Variants in TYRP1 observed in about 807,000 individuals in gnomAD.
TYRP1 encodes the protein tyrosinase related protein 1.
In TYRP1, 49 loss-of-function variants were observed where a neutral mutation model predicts 42.8. The ratio of observed to expected loss-of-function variants is 1.14; its 90% confidence interval spans 0.91 to 1.45. TYRP1 has a LOEUF of 1.45. Ranked by LOEUF, TYRP1 falls within the 40% of genes most tolerant of loss-of-function variation. The probability of loss-of-function intolerance (pLI) is 0.00; values close to 1 mark genes in which losing one functional copy is unlikely to be tolerated. For missense variants in TYRP1, 848 were observed against 662.0 expected (o/e 1.28, Z -3.08); for synonymous variants, 279 against 235.4 (o/e 1.19, Z -1.69).
rs1818116741 is a variant in TYRP1, at chr9:12,698,635, C to T, written c.893C>T (p.Thr298Ile). Reference sequence around the variant, plus strand: ...TGTGACTCCTTGGAAGATTATGATACCCTGGGAACACTTTGTAACAGTAAG... The same window carrying T: ...TGTGACTCCTTGGAAGATTATGATATCCTGGGAACACTTTGTAACAGTAAG... Reference protein sequence around the residue: ...VVCDSLEDYDTLGTLCNSTED... With the variant: ...VVCDSLEDYDILGTLCNSTED... The change falls in exon 4 of 8, where the codon ACC becomes ATC. Residue 298 changes from threonine (T) to isoleucine (I), a missense_variant. Physicochemically the swap from Thr to Ile is moderately conservative, Grantham distance 89. Coordinates refer to ENST00000388918, the MANE Select transcript of TYRP1 (RefSeq NM_000550.3). 1.9e-6 allele frequency: 3 copies of T among 1,613,480 alleles called. No homozygotes were observed. Among genetic ancestry groups the T allele is most frequent in the Admixed American group, 3.3e-5 (2 of 59,904 alleles).
At chr9:12,697,039 G>A (rs921038580) in intron 3 of TYRP1, among the ~76,000 whole-genome samples, 1 of 152,114 alleles carries the variant, frequency 6.6e-6, no homozygotes, top group African/African-American at 2.4e-5. Context: ...CAGTTTGAGA[G>A]TGATTAAATG....
intron 2 of TYRP1, chr9:12,694,597 T>A: frequency 1.6e-6 from 1 of 614,348 alleles, no homozygotes; most frequent in Non-Finnish European, 2.8e-6. Flanking sequence ...TATTTTATTC[T>A]GAAACATTTA....
At chr9:12,704,746 G>T (rs376328734) in intron 6 of TYRP1, 41 bp downstream of exon 6, 1 of 1,590,176 alleles carries the variant, frequency 6.3e-7, no homozygotes. Flanking sequence ...TCAGCTGGGC[G>T]GATTGTTTAG....
intron 2 of TYRP1, 74 bp downstream of exon 2, chr9:12,694,455 G>T: frequency 6.5e-7 from 1 of 1,546,122 alleles, no homozygotes; most frequent in Non-Finnish European, 8.8e-7. Context: ...TAAATCATTT[G>T]AGCTGGAGGA....
At chr9:12,707,850 A>G in intron 6 of TYRP1, 147 bp from the exon 7 acceptor site, 2 of 705,540 alleles carry the variant, frequency 2.8e-6, no homozygotes, top group Admixed American at 5.9e-5. Flanking sequence ...ATCCTGCTGT[A>G]GTGAAACTTC....
intron 3 of TYRP1, 26 bp from the exon 4 acceptor site, chr9:12,698,425 G>GTATT: frequency 6.3e-7 from 1 of 1,593,558 alleles, no homozygotes; most frequent in Non-Finnish European, 8.6e-7. Flanking sequence ...GAAGCAGAGA[G>GTATT]TATTAATGTG....
intron 3 of TYRP1, among the ~76,000 whole-genome samples, chr9:12,697,609 C>T (rs1023852942): frequency 1.3e-4 from 20 of 152,096 alleles, no homozygotes; most frequent in African/African-American, 4.6e-4. Flanking sequence ...GCAATCCCTA[C>T]ATTTAAATCC....
Position 12,710,128 on chromosome 9 carries a change from G to A in TYRP1, c.*946G>A, listed in dbSNP as rs1386563637. ...CTTTTTTATCTGGTTCTATATGAAT[G>A]CTATTTTTTCCCTTCTCTTCTAACA... is the stretch of plus-strand genomic sequence containing the variant. On this transcript the variant is annotated 3_prime_UTR_variant, in exon 8 of 8. Transcript: ENST00000388918. The A allele has an allele frequency of 6.6e-6, 1 of 151,466 alleles. No individual in the cohort carries two copies. The highest frequency in any genetic ancestry group is 2.4e-5 in the African/African-American group (1 of 41,328). 9.4% of individuals were successfully genotyped at this position (151,466 alleles called of 1,614,324 possible).
At chr9:12,704,403 T>C in intron 5 of TYRP1, 123 bp from the exon 6 acceptor site, 1 of 1,008,942 alleles carries the variant, frequency 9.9e-7, no homozygotes, top group East Asian at 2.6e-5. Context: ...TGCTGTTATA[T>C]TAAGGCAAAA....
At chr9:12,703,280 A>G (rs1252800189) in intron 5 of TYRP1, among the ~76,000 whole-genome samples, 2 of 151,968 alleles carry the variant, frequency 1.3e-5, no homozygotes, top group East Asian at 3.9e-4. Context: ...TCTCTGCCCT[A>G]TGATCAGAGA....
In TYRP1 at chr9:12,693,863, A is replaced by C. The variant is rs1462362299; in HGVS notation, c.-85-49A>C. On this transcript the variant is annotated intron_variant, in intron 1 of 7. Coordinates refer to ENST00000388918, the MANE Select transcript of TYRP1 (RefSeq NM_000550.3). ...GTTTGGGAAGGGGGCATACCATTTT[A>C]AGTACCAAGAAAAACTTGCATAATC... 3 of 1,258,256 alleles carry C rather than the reference A, an allele frequency of 2.4e-6. No individual in the cohort carries two copies. In the African/African-American group the frequency reaches 4.5e-5, roughly 19 times the overall value. The allele number at this position is 1,258,256 out of a possible 1,614,324, so 77.9% of individuals were successfully genotyped here.
In TYRP1 at chr9:12,708,148, G is replaced by C. The variant is rs755783669; in HGVS notation, c.1408+5G>C. 30 of 1,612,340 alleles carry C rather than the reference G, an allele frequency of 1.9e-5. No homozygotes were observed. In the South Asian group the frequency reaches 3.1e-4, roughly 17 times the overall value. On this transcript the variant is annotated splice_donor_5th_base_variant and intron_variant, in intron 7 of 7. Coordinates refer to ENST00000388918, the MANE Select transcript of TYRP1 (RefSeq NM_000550.3). The stretch of plus-strand genomic sequence containing the variant: ...CTTATGAAATTCAATGGCCAAGTGA[G>C]TGTTGAAAGTGTATTTTTACTGTGA...
chr9:12,706,700 T>C (rs1426804937), intron 6 of TYRP1, among the ~76,000 whole-genome samples: 1 of 151,988 alleles, frequency 6.6e-6, no homozygotes, highest in African/African-American at 2.4e-5. Flanking sequence ...TAAATATTCC[T>C]TGTACCTGCA....
chr9:12,703,889 G>A (rs1303418528), intron 5 of TYRP1, among the ~76,000 whole-genome samples: 7 of 138,982 alleles, frequency 5.0e-5, no homozygotes, highest in South Asian at 2.2e-4. Context: ...ATATATGTGT[G>A]TGTGTGTGTG....
chr9:12,706,382 A>AAAT (rs1262093169), intron 6 of TYRP1, among the ~76,000 whole-genome samples: 1 of 152,038 alleles, frequency 6.6e-6, no homozygotes, highest in Non-Finnish European at 1.5e-5. Context: ...TCTTGGCTGA[A>AAAT]AATATAATTA....
rs1818070318 is a variant in TYRP1, at chr9:12,695,767, T to A, written c.638T>A (p.Phe213Tyr). 2.5e-6 allele frequency: 4 copies of A among 1,614,020 alleles called. No homozygotes were observed. Among genetic ancestry groups the A allele is most frequent in the Non-Finnish European group, 3.4e-6 (4 of 1,180,028 alleles). Residue 213 changes from phenylalanine (F) to tyrosine (Y), a missense_variant, in exon 3 of 8, where the codon TTC (phenylalanine) becomes TAC (tyrosine). By Grantham distance (22) the Phe-to-Tyr change is conservative. Transcript: ENST00000388918. ...VGQESFGEVD[F>Y]SHEGPAFLTW... The stretch of plus-strand genomic sequence containing the variant: ...CAGGAAAGCTTTGGTGAAGTGGATT[T>A]CTCTCATGAGGGACCAGCTTTTCTC...
rs1318077710 is a variant in TYRP1, at chr9:12,698,358, G to A, written c.709-93G>A. 4.1e-6 allele frequency: 5 copies of A among 1,231,926 alleles called. No homozygotes were observed. In the African/African-American group the frequency reaches 5.9e-5, roughly 15 times the overall value. 76.3% of individuals were successfully genotyped at this position (1,231,926 alleles called of 1,614,324 possible). ...ACCAGTACCTTATTGTCTGAAGAGAGCTAATAGAAATAGACTGTCAGAGAG... is the reference window on the plus strand; with the variant it reads ...ACCAGTACCTTATTGTCTGAAGAGAACTAATAGAAATAGACTGTCAGAGAG... On this transcript the variant is annotated intron_variant, in intron 3 of 7. Transcript: ENST00000388918.
chr9:12,699,881 T>A (rs77990455), intron 4 of TYRP1, among the ~76,000 whole-genome samples: 6,977 of 152,126 alleles, frequency 0.046, 193 homozygotes, highest in Non-Finnish European at 0.062. Context: ...ACAGTTTAAA[T>A]GAGTGAATGC....
intron 6 of TYRP1, among the ~76,000 whole-genome samples, chr9:12,706,015 C>T (rs1299575319): frequency 6.6e-6 from 1 of 151,986 alleles, no homozygotes; most frequent in South Asian, 2.1e-4. Context: ...TAGCCATACA[C>T]CTTTAACAAA....
Sources: gnomAD v4.1 joint callset for allele counts (sites outside exome capture counted in the v4.1 genomes callset) on GRCh38, gnomAD v4.1.1 for gene constraint, MANE v1.5 for transcripts, NCBI Gene and HGNC (gene_info 2026-07-23, HGNC 2026-07-21) for gene names.